Variants in NMBR observed in about 807,000 individuals in gnomAD.
The protein encoded by NMBR is neuromedin-B receptor.
A neutral mutation model predicts 20.5 loss-of-function variants in NMBR; 16 were observed. That is an observed-to-expected ratio of 0.78 (90% CI 0.53 to 1.19). NMBR has a LOEUF of 1.19. NMBR is among the 50% of genes most tolerant of loss of function. NMBR has a pLI of 0.00. For synonymous variants in NMBR, 212 were observed against 196.6 expected (o/e 1.08, Z -0.65); for missense variants, 582 against 499.1 (o/e 1.17, Z -1.58).
chr6:142,137,692 T>A (rs566132081), intron 1 of NMBR, among the ~76,000 whole-genome samples: 1 of 151,978 alleles, frequency 6.6e-6, no homozygotes, highest in African/African-American at 2.4e-5. Flanking sequence ...TTCTTGAGAG[T>A]TTTTAGCATG....
At chr6:142,112,328 T>C (rs1562241992) in intron 1 of NMBR, among the ~76,000 whole-genome samples, 1 of 152,182 alleles carries the variant, frequency 6.6e-6, no homozygotes, top group Non-Finnish European at 1.5e-5. Context: ...GTAATCTAGT[T>C]TTTCTCCTAT....
In NMBR at chr6:142,075,521, T is replaced by A. The variant is rs1207533532; in HGVS notation, c.*127A>T. Reference sequence around the variant, plus strand: ...AAGTCTAGTGTAGAGAAAAAATGTCTTGCATTTTCTGAGTCAATCATGCAA... The same window carrying A: ...AAGTCTAGTGTAGAGAAAAAATGTCATGCATTTTCTGAGTCAATCATGCAA... On this transcript the variant is annotated 3_prime_UTR_variant, in exon 4 of 4. Coordinates refer to ENST00000258042, the MANE Select transcript of NMBR (RefSeq NM_002511.4). 3 of 838,456 alleles carry A rather than the reference T, an allele frequency of 3.6e-6. No individual in the cohort carries two copies. Among genetic ancestry groups the A allele is most frequent in the Non-Finnish European group, 5.5e-6 (3 of 544,804 alleles). 51.9% of individuals were successfully genotyped at this position (838,456 alleles called of 1,614,324 possible).
At chr6:142,105,314 T>C (rs1777642037) in intron 1 of NMBR, among the ~76,000 whole-genome samples, 1 of 152,186 alleles carries the variant, frequency 6.6e-6, no homozygotes. Context: ...GGCGATATGA[T>C]GGCTTAGCTT....
Position 142,088,247 on chromosome 6 carries a change from T to C in NMBR, c.412A>G (p.Ser138Gly). The change falls in exon 2 of 4, where the codon AGC becomes GGC. Residue 138 changes from serine to glycine, a missense_variant. Ser to Gly is a moderately conservative substitution (Grantham distance 56). Coordinates refer to ENST00000258042, the MANE Select transcript of NMBR (RefSeq NM_002511.4). ...GVSVFTLTAL[S>G]ADRYRAIVNP... ...TACCTGTGCTCTTACCTGTCGGCGC[T>C]GAGGGCAGTGAGAGTGAACACGGAA... The C allele has an allele frequency of 3.7e-6, 6 of 1,611,510 alleles. No homozygotes were observed. The highest frequency in any genetic ancestry group is 4.2e-6 in the Non-Finnish European group (5 of 1,179,796).
intron 2 of NMBR, among the ~76,000 whole-genome samples, chr6:142,085,024 ACTGT>A (rs767237552): frequency 5.9e-5 from 9 of 152,184 alleles, no homozygotes; most frequent in South Asian, 2.1e-4. Context: ...TTGTAACAAA[ACTGT>A]CTATCAAGAT....
At chr6:142,118,582 T>C (rs560689945) in intron 1 of NMBR, among the ~76,000 whole-genome samples, 119 of 152,168 alleles carry the variant, frequency 7.8e-4, no homozygotes, top group Middle Eastern at 3.4e-3. Context: ...TAACCTTTCT[T>C]TCTCTTTAAG....
intron 1 of NMBR, among the ~76,000 whole-genome samples, chr6:142,103,333 C>G (rs1582848327): frequency 1.3e-5 from 2 of 152,102 alleles, no homozygotes; most frequent in South Asian, 2.1e-4. Context: ...AACCAGAAAG[C>G]ATGCATTAAA....
At chr6:142,139,796 C>T (rs542099830) in intron 1 of NMBR, among the ~76,000 whole-genome samples, 2 of 152,224 alleles carry the variant, frequency 1.3e-5, no homozygotes, top group East Asian at 3.9e-4. Context: ...GCTATATAGT[C>T]CTGAATAATA....
chr6:142,079,043 A>T (rs1422196823), intron 2 of NMBR, 140 bp from the exon 3 acceptor site: 19 of 484,160 alleles, frequency 3.9e-5, no homozygotes, highest in Admixed American at 7.6e-5. Context: ...AAAGAAAGAG[A>T]GAAAGAAAGA....
At chr6:142,079,991 T>C (rs1423005882) in intron 2 of NMBR, among the ~76,000 whole-genome samples, 1 of 152,208 alleles carries the variant, frequency 6.6e-6, no homozygotes, top group African/African-American at 2.4e-5. Flanking sequence ...AAATTTTTTA[T>C]ATTTCTCTTT....
intron 1 of NMBR, among the ~76,000 whole-genome samples, chr6:142,128,287 A>T (rs535535816): frequency 6.6e-6 from 1 of 151,770 alleles, no homozygotes; most frequent in South Asian, 2.1e-4. Context: ...AGCCAATTAA[A>T]CCTCTTTTCT....
intron 1 of NMBR, among the ~76,000 whole-genome samples, chr6:142,126,141 T>C (rs960423981): frequency 2.0e-5 from 3 of 151,896 alleles, no homozygotes; most frequent in African/African-American, 7.2e-5. Context: ...TGAAATCATA[T>C]AGTATTTGTC....
intron 3 of NMBR, among the ~76,000 whole-genome samples, chr6:142,076,475 A>C (rs1325144721): frequency 6.6e-6 from 1 of 152,212 alleles, no homozygotes; most frequent in East Asian, 1.9e-4. Flanking sequence ...TGATCTGATG[A>C]AGCAGGGCTT....
At position 142,078,727 on chromosome 6, in the gene NMBR, G is replaced by T; in HGVS notation, c.599C>A (p.Pro200Gln). The T allele has an allele frequency of 6.2e-7, 1 of 1,614,030 alleles. No individual in the cohort carries two copies. The highest frequency in any genetic ancestry group is 8.5e-7 in the Non-Finnish European group (1 of 1,180,002). Residue 200 changes from proline (P) to glutamine (Q), a missense_variant, in exon 3 of 4, where the codon CCA becomes CAA. Physicochemically the swap from Pro to Gln is moderately conservative, Grantham distance 76 (BLOSUM62 -1). Coordinates refer to ENST00000258042, the MANE Select transcript of NMBR (RefSeq NM_002511.4). ...LDNSSFTACIPYPQTDELHPK... is the reference protein window; with the variant it reads ...LDNSSFTACIQYPQTDELHPK... Reference sequence around the variant, plus strand: ...ATGTAATTCATCTGTTTGAGGGTATGGGATACATGCTGTGAAGCTGCTATT... The same window carrying T: ...ATGTAATTCATCTGTTTGAGGGTATTGGATACATGCTGTGAAGCTGCTATT...
At chr6:142,130,809 G>T (rs554257898) in intron 1 of NMBR, among the ~76,000 whole-genome samples, 6 of 152,138 alleles carry the variant, frequency 3.9e-5, no homozygotes, top group Non-Finnish European at 8.8e-5. Context: ...CACAGAGAAT[G>T]GAGCTACAGG....
chr6:142,117,177 CAT>C (rs995626373), intron 1 of NMBR, among the ~76,000 whole-genome samples: 3 of 151,824 alleles, frequency 2.0e-5, no homozygotes, highest in African/African-American at 7.3e-5. Flanking sequence ...ATAGCCCAAA[CAT>C]ATAGAGCTAG....
chr6:142,101,115 A>T (rs1777553369), intron 1 of NMBR, among the ~76,000 whole-genome samples: 1 of 152,226 alleles, frequency 6.6e-6, no homozygotes, highest in East Asian at 1.9e-4. Context: ...TACAGAAAAC[A>T]GAAGTGAAGG....
At chr6:142,093,488 T>A (rs1381587149) in intron 1 of NMBR, among the ~76,000 whole-genome samples, 1 of 151,924 alleles carries the variant, frequency 6.6e-6, no homozygotes, top group Non-Finnish European at 1.5e-5. Context: ...GAACTCATCA[T>A]TTTTTATGGC....
intron 1 of NMBR, among the ~76,000 whole-genome samples, chr6:142,101,879 T>C (rs1777571621): frequency 1.3e-5 from 2 of 152,286 alleles, no homozygotes; most frequent in Non-Finnish European, 2.9e-5. Flanking sequence ...CACAGATTTT[T>C]TTCAGCTCTT....
Sources: allele counts gnomAD v4.1 joint callset (sites outside exome capture counted in the v4.1 genomes callset), GRCh38; gene constraint gnomAD v4.1.1; transcripts MANE v1.5; gene names NCBI Gene and HGNC (gene_info 2026-07-23, HGNC 2026-07-21).